Variants in POT1 observed in about 807,000 individuals in gnomAD.
POT1 encodes protection of telomeres protein 1.
A neutral mutation model predicts 78.5 loss-of-function variants in POT1; 47 were observed. The ratio of observed to expected loss-of-function variants is 0.60; its 90% CI spans 0.47 to 0.76. POT1 has a LOEUF of 0.76. Among genes scored for constraint, POT1 ranks in the 30% least tolerant of loss-of-function variants. The pLI is 0.00. For missense variants in POT1, 646 were observed against 749.9 expected (o/e 0.86, Z 1.62); for synonymous variants, 259 against 260.7 (o/e 0.99, Z 0.06).
intron 6 of POT1, among the ~76,000 whole-genome samples, chr7:124,885,820 T>A (rs2116612553): frequency 6.6e-6 from 1 of 152,068 alleles, no homozygotes; most frequent in African/African-American, 2.4e-5. Context: ...TAAATTTTGA[T>A]GATAAAAGGA....
At chr7:124,895,012 A>G (rs539335984) in intron 5 of POT1, among the ~76,000 whole-genome samples, 3 of 151,846 alleles carry the variant, frequency 2.0e-5, no homozygotes, top group Admixed American at 6.6e-5. Flanking sequence ...TGACATCCTA[A>G]CAACTCCTAG....
At chr7:124,903,845 G>A (rs192068338) in intron 3 of POT1, among the ~76,000 whole-genome samples, 332 of 152,278 alleles carry the variant, frequency 2.2e-3, no homozygotes, top group Non-Finnish European at 3.9e-3. Context: ...TATCACCACT[G>A]ATTCCACAGA....
At chr7:124,874,543 G>A (rs1322168678) in intron 6 of POT1, among the ~76,000 whole-genome samples, 1 of 152,036 alleles carries the variant, frequency 6.6e-6, no homozygotes, top group Admixed American at 6.6e-5. Flanking sequence ...GACCAGCCTG[G>A]CCAACGTGGT....
intron 3 of POT1, among the ~76,000 whole-genome samples, chr7:124,914,211 T>A (rs938290747): frequency 6.6e-6 from 1 of 152,066 alleles, no homozygotes; most frequent in African/African-American, 2.4e-5. Context: ...TCTATCCTTA[T>A]GCCAGTACCA....
chr7:124,873,413 A>G (rs1482997104), intron 6 of POT1, among the ~76,000 whole-genome samples: 2 of 152,220 alleles, frequency 1.3e-5, no homozygotes, highest in Admixed American at 6.5e-5. Context: ...TTTGATTTGC[A>G]TATGTGGAAC....
chr7:124,893,226 T>C (rs967725703), intron 5 of POT1, among the ~76,000 whole-genome samples: 1 of 151,346 alleles, frequency 6.6e-6, no homozygotes, highest in Non-Finnish European at 1.5e-5. Flanking sequence ...TTTTAACTAA[T>C]ATCTCTTTGA....
chr7:124,915,529 T>C (rs780959192), intron 3 of POT1, 45 bp downstream of exon 3: 2 of 152,150 alleles, frequency 1.3e-5, no homozygotes, highest in African/African-American at 2.4e-5. Flanking sequence ...ATTTATATAT[T>C]ACAGGGAAAA....
intron 17 of POT1, 79 bp downstream of exon 17, chr7:124,827,135 A>AG (rs1278640069): frequency 2.5e-5 from 19 of 760,516 alleles, no homozygotes; most frequent in Admixed American, 1.9e-4. Context: ...TTAGGAACAA[A>AG]GCAGGTATGA....
intron 6 of POT1, among the ~76,000 whole-genome samples, chr7:124,887,289 TACAACAAC>T (rs917611027): frequency 6.6e-6 from 1 of 152,136 alleles, no homozygotes; most frequent in Admixed American, 6.6e-5. Context: ...CCCTTTCCTC[TACAACAAC>T]AGATATTAAA....
chr7:124,840,801 T>A lies in POT1; in HGVS notation c.1369+172A>T, dbSNP rs1795007721. 6.4e-6 allele frequency: 3 copies of A among 469,938 alleles called. No individual in the cohort carries two copies. In the South Asian group the frequency reaches 1.0e-4, roughly 16 times the overall value. 29.1% of individuals were successfully genotyped at this position (469,938 alleles called of 1,614,324 possible). Reference sequence around the variant, plus strand: ...TGTAATTAAGATAAATTTATGAACGTGTGCTTATATATATTTGAACCTAGT... The same window carrying A: ...TGTAATTAAGATAAATTTATGAACGAGTGCTTATATATATTTGAACCTAGT... On this transcript the variant is annotated intron_variant, in intron 14 of 18. Transcript: ENST00000357628.
At position 124,825,118 on chromosome 7, in the gene POT1, T is replaced by C. The variant is rs772248875; in HGVS notation, c.1792+134A>G. 11 of 476,002 alleles carry C rather than the reference T, an allele frequency of 2.3e-5. No homozygotes were observed. The Admixed American group carries it at 2.3e-4, about 10-fold the overall frequency. The allele number at this position is 476,002 out of a possible 1,614,324, so 29.5% of individuals were successfully genotyped here. A position where few individuals can be genotyped will look rare whatever the true frequency, so the allele number is the denominator to read the frequency against. ...CACTCTCTTCATCAAAGGTTGATCA[T>C]AGAGTAATCACTCACTACTTAGTAA... On this transcript the variant is annotated intron_variant, in intron 18 of 18. Coordinates refer to ENST00000357628, the MANE Select transcript of POT1 (RefSeq NM_015450.3).
At chr7:124,886,874 C>A (rs914748731) in intron 6 of POT1, among the ~76,000 whole-genome samples, 10 of 151,966 alleles carry the variant, frequency 6.6e-5, no homozygotes, top group African/African-American at 2.4e-4. Flanking sequence ...ACAGAGCTAT[C>A]ATTTTAGTCT....
At chr7:124,841,720 G>A (rs1425460768) in intron 13 of POT1, among the ~76,000 whole-genome samples, 1 of 151,920 alleles carries the variant, frequency 6.6e-6, no homozygotes, top group African/African-American at 2.4e-5. Context: ...TGGTTCTGTT[G>A]CCAGTTAACT....
chr7:124,838,769 C>T (rs954695512), intron 14 of POT1, among the ~76,000 whole-genome samples: 1 of 152,036 alleles, frequency 6.6e-6, no homozygotes, highest in Admixed American at 6.6e-5. Context: ...TGATGCCTGG[C>T]TAATTTTGTA....
At chr7:124,928,025 G>A (rs1797316595) in intron 2 of POT1, among the ~76,000 whole-genome samples, 1 of 152,022 alleles carries the variant, frequency 6.6e-6, no homozygotes, top group African/African-American at 2.4e-5. Context: ...TTTAATAACA[G>A]TACCTATGTC....
chr7:124,913,583 T>G (rs1796943646), intron 3 of POT1, among the ~76,000 whole-genome samples: 1 of 152,316 alleles, frequency 6.6e-6, no homozygotes, highest in South Asian at 2.1e-4. Context: ...CCTCTGTATC[T>G]CTGAAGGATT....
chr7:124,884,794 T>C (rs995035811), intron 6 of POT1, among the ~76,000 whole-genome samples: 3 of 152,226 alleles, frequency 2.0e-5, no homozygotes, highest in African/African-American at 7.2e-5. Flanking sequence ...CAAGCAAGGA[T>C]GAGCCATACA....
At chr7:124,870,823 C>A in intron 7 of POT1, 88 bp downstream of exon 7, 1 of 1,118,360 alleles carries the variant, frequency 8.9e-7, no homozygotes, top group Non-Finnish European at 1.2e-6. Context: ...TCTAACAAAG[C>A]AACTATATAA....
chr7:124,832,640 C>G (rs1794794231), intron 15 of POT1, among the ~76,000 whole-genome samples: 1 of 151,878 alleles, frequency 6.6e-6, no homozygotes, highest in African/African-American at 2.4e-5. Context: ...CATGGTGAAA[C>G]CTCGTTTCTA....
Sources: allele counts gnomAD v4.1 joint callset (sites outside exome capture counted in the v4.1 genomes callset), GRCh38; gene constraint gnomAD v4.1.1; transcripts MANE v1.5; gene names NCBI Gene and HGNC (gene_info 2026-07-23, HGNC 2026-07-21).